Variants in CSGALNACT1 observed in about 807,000 individuals in gnomAD.
The protein encoded by CSGALNACT1 is beta4GalNAcT-1.
CSGALNACT1 carries 52 observed loss-of-function variants against 51.0 expected under a neutral mutation model. The observed-to-expected ratio is 1.02, with a 90% CI of 0.82 to 1.29. The LOEUF is 1.29. Ranked by LOEUF, CSGALNACT1 falls within the 50% of genes most tolerant of loss-of-function variation. CSGALNACT1 has a pLI of 0.00. For synonymous variants in CSGALNACT1, 341 were observed against 254.4 expected, an observed-to-expected ratio of 1.34 and a Z score of -3.24; for missense variants, 935 against 679.2, an observed-to-expected ratio of 1.38 and a Z score of -4.19.
At chr8:19,731,243 C>T (rs2063675480) in intron 1 of CSGALNACT1, among the ~76,000 whole-genome samples, 1 of 152,170 alleles carries the variant, frequency 6.6e-6, no homozygotes, top group African/African-American at 2.4e-5. Context: ...CGCAGTGGCT[C>T]ATGCCTGTAA....
chr8:19,603,449 G>T (rs987831859), upstream of CSGALNACT1, among the ~76,000 whole-genome samples: 7 of 152,174 alleles, frequency 4.6e-5, no homozygotes, highest in Non-Finnish European at 1.0e-4. Context: ...GTGCCTGCGC[G>T]GCTCCCACCA....
intron 1 of CSGALNACT1, among the ~76,000 whole-genome samples, chr8:19,613,930 A>T (rs1175544030): frequency 6.6e-6 from 1 of 152,242 alleles, no homozygotes; most frequent in Non-Finnish European, 1.5e-5. Context: ...GGGAAGTCCC[A>T]GATGTCAACT....
chr8:19,621,778 C>T (rs936246006), intron 1 of CSGALNACT1, among the ~76,000 whole-genome samples: 1 of 152,238 alleles, frequency 6.6e-6, no homozygotes, highest in African/African-American at 2.4e-5. Flanking sequence ...AAGACGCTGT[C>T]TCTAAAAAAT....
chr8:19,405,762 C>T (rs761314214), exon 10 of CSGALNACT1: 14 of 1,613,916 alleles, frequency 8.7e-6, no homozygotes, highest in Non-Finnish European at 1.2e-5. Flanking sequence ...GTGTCTCCCA[C>T]AATCCTTCTC....
intron 3 of CSGALNACT1, among the ~76,000 whole-genome samples, chr8:19,554,578 T>C (rs2089214838): frequency 2.0e-5 from 1 of 50,892 alleles, no homozygotes; most frequent in African/African-American, 1.5e-4. Context: ...TACCAGGAAA[T>C]AACTGTAAGC....
chr8:19,429,876 C>T (rs2153722926), intron 6 of CSGALNACT1, among the ~76,000 whole-genome samples: 1 of 152,328 alleles, frequency 6.6e-6, no homozygotes, highest in South Asian at 2.1e-4. Flanking sequence ...TCTCTGCCTC[C>T]TCAGAGACAC....
At chr8:19,472,192 C>T (rs1246557255) in intron 4 of CSGALNACT1, among the ~76,000 whole-genome samples, 2 of 152,218 alleles carry the variant, frequency 1.3e-5, no homozygotes, top group African/African-American at 2.4e-5. Flanking sequence ...GAGGGGAAGT[C>T]ACAGCTGCCA....
chr8:19,555,547 A>G (rs2089504765), intron 3 of CSGALNACT1, among the ~76,000 whole-genome samples: 1 of 152,164 alleles, frequency 6.6e-6, no homozygotes, highest in South Asian at 2.1e-4. Flanking sequence ...TAATTCCGAT[A>G]TATTTAGAAA....
At chr8:19,577,586 A>C (rs1474342349) in intron 3 of CSGALNACT1, among the ~76,000 whole-genome samples, 1 of 151,616 alleles carries the variant, frequency 6.6e-6, no homozygotes, top group African/African-American at 2.4e-5. Flanking sequence ...AAAATAGACA[A>C]GAAAGGAAAA....
intron 7 of CSGALNACT1, 113 bp downstream of exon 6, chr8:19,420,227 A>G (rs1156931233): frequency 9.9e-7 from 1 of 1,007,544 alleles, no homozygotes; most frequent in Admixed American, 1.7e-5. Context: ...CTATTGAAGT[A>G]AAACAGGCTG....
At chr8:19,750,272 C>G (rs2064948853) in intron 1 of CSGALNACT1, among the ~76,000 whole-genome samples, 1 of 152,336 alleles carries the variant, frequency 6.6e-6, no homozygotes, top group East Asian at 1.9e-4. Flanking sequence ...TAGGTAACAA[C>G]AAAGGGTCAC....
At chr8:19,516,240 C>A (rs1040741789) in intron 3 of CSGALNACT1, among the ~76,000 whole-genome samples, 1 of 152,110 alleles carries the variant, frequency 6.6e-6, no homozygotes, top group African/African-American at 2.4e-5. Context: ...CTTATTAACC[C>A]CATTAAAGAA....
Position 19,582,766 on chromosome 8 carries a change from A to C in CSGALNACT1, c.-297+8394T>G, listed in dbSNP as rs2045855632. On this transcript the variant is annotated intron_variant, in intron 3 of 9. Coordinates refer to ENST00000454498, the Ensembl canonical transcript of CSGALNACT1. ...AAAGCCAAGCTATCTGAGTCCCTGG[A>C]CTAAGGTATCCTAGAAATCAGTAGC... Among the ~76,000 whole-genome samples, 6 of 152,154 alleles carry C rather than the reference A, an allele frequency of 3.9e-5. No homozygotes were observed. The South Asian group carries it at 1.2e-3, about 32-fold the overall frequency.
intron 2 of CSGALNACT1, among the ~76,000 whole-genome samples, chr8:19,601,328 A>C (rs936565236): frequency 6.6e-6 from 1 of 152,208 alleles, no homozygotes; most frequent in African/African-American, 2.4e-5. Context: ...TATTTAAATA[A>C]TTATTTTCTA....
At chr8:19,717,659 A>G (rs2062886210) in intron 1 of CSGALNACT1, among the ~76,000 whole-genome samples, 1 of 152,224 alleles carries the variant, frequency 6.6e-6, no homozygotes, top group Non-Finnish European at 1.5e-5. Context: ...TCCGGTTCCC[A>G]GGACCCACTG....
intron 4 of CSGALNACT1, among the ~76,000 whole-genome samples, chr8:19,461,567 G>T (rs1586545123): frequency 6.8e-6 from 1 of 146,560 alleles, no homozygotes; most frequent in African/African-American, 2.5e-5. Flanking sequence ...TATCCGCACA[G>T]CGGCCACATT....
At chr8:19,664,921 T>C (rs928564103) in intron 1 of CSGALNACT1, among the ~76,000 whole-genome samples, 3 of 152,206 alleles carry the variant, frequency 2.0e-5, no homozygotes. Flanking sequence ...ACAAATTACG[T>C]AATGGGTACA....
At chr8:19,713,719 T>C (rs1046624504) in intron 1 of CSGALNACT1, among the ~76,000 whole-genome samples, 7 of 152,178 alleles carry the variant, frequency 4.6e-5, no homozygotes, top group African/African-American at 1.4e-4. Flanking sequence ...GGACCCCCTA[T>C]GGGTTTCAGA....
intron 1 of CSGALNACT1, among the ~76,000 whole-genome samples, chr8:19,658,321 T>A (rs1464783949): frequency 6.6e-6 from 1 of 152,130 alleles, no homozygotes; most frequent in Admixed American, 6.5e-5. Context: ...AGAAAATACA[T>A]CTGTTATGGT....
Sources: gnomAD v4.1 joint callset for allele counts (sites outside exome capture counted in the v4.1 genomes callset) on GRCh38, gnomAD v4.1.1 for gene constraint, MANE v1.5 for transcripts, NCBI Gene and HGNC (gene_info 2026-07-23, HGNC 2026-07-21) for gene names.